The following CDS2 variants were observed in gnomAD, a reference collection of about 807,000 sequenced individuals.
CDS2 encodes the protein phosphatidate cytidylyltransferase 2.
In CDS2, 47 loss-of-function variants were observed where a neutral mutation model predicts 59.0. The observed-to-expected ratio is 0.80, with a 90% CI of 0.63 to 1.02. The LOEUF is 1.02. Ranked by LOEUF, CDS2 falls within the 50% of genes least tolerant of loss-of-function variation. CDS2 has a pLI of 0.00. For missense variants in CDS2, 356 were observed against 558.9 expected (o/e 0.64, Z 3.66); for synonymous variants, 207 against 206.4 (o/e 1.00, Z -0.02).
At chr20:5,183,964 T>TG (rs1368810949) in intron 7 of CDS2, among the ~76,000 whole-genome samples, 2 of 152,148 alleles carry the variant, frequency 1.3e-5, no homozygotes, top group Non-Finnish European at 2.9e-5. Context: ...AAGACCGGCC[T>TG]GGGCAACATA....
intron 1 of CDS2, among the ~76,000 whole-genome samples, chr20:5,166,057 C>T (rs1212086460): frequency 6.6e-6 from 1 of 152,100 alleles, no homozygotes; most frequent in Non-Finnish European, 1.5e-5. Flanking sequence ...GTGACACAAT[C>T]AGAATTTCTG....
intron 1 of CDS2, among the ~76,000 whole-genome samples, chr20:5,134,981 C>T (rs1291450557): frequency 2.0e-5 from 3 of 152,100 alleles, no homozygotes; most frequent in African/African-American, 2.4e-5. Flanking sequence ...CATTTCTCCT[C>T]CCTCACTTTA....
At chr20:5,180,316 T>A (rs968418199) in intron 5 of CDS2, among the ~76,000 whole-genome samples, 2 of 151,834 alleles carry the variant, frequency 1.3e-5, no homozygotes, top group African/African-American at 4.8e-5. Flanking sequence ...TTTTTTTTTT[T>A]AAGGGGAAGC....
intron 5 of CDS2, among the ~76,000 whole-genome samples, chr20:5,179,177 A>C (rs371711653): frequency 6.9e-6 from 1 of 145,968 alleles, no homozygotes; most frequent in East Asian, 2.0e-4. Flanking sequence ...GCCAGAGTGC[A>C]GTGGCACCAT....
chr20:5,187,046 C>G (rs2091074680), intron 10 of CDS2: 48 of 333,148 alleles, frequency 1.4e-4, no homozygotes, highest in South Asian at 1.3e-3. Context: ...CAGTGGTTTT[C>G]AAAGTGTGTT....
intron 1 of CDS2, among the ~76,000 whole-genome samples, chr20:5,159,397 T>A (rs1204911530): frequency 7.1e-6 from 1 of 140,660 alleles, no homozygotes. Flanking sequence ...CAGAGAAGCA[T>A]CAAAAAATGA....
chr20:5,188,055 C>CGT (rs71332879), intron 10 of CDS2, among the ~76,000 whole-genome samples: 4,720 of 148,708 alleles, frequency 0.032, 67 homozygotes, highest in Middle Eastern at 0.048. Context: ...TCTTAACGTA[C>CGT]GTGTGTGTGT....
chr20:5,187,051 T>A (rs1215704424), intron 10 of CDS2: 2 of 401,738 alleles, frequency 5.0e-6, no homozygotes, highest in African/African-American at 4.1e-5. Flanking sequence ...GTTTTCAAAG[T>A]GTGTTCTGTG....
intron 1 of CDS2, among the ~76,000 whole-genome samples, chr20:5,157,447 T>C (rs1050441132): frequency 1.3e-5 from 2 of 151,040 alleles, no homozygotes; most frequent in Admixed American, 1.3e-4. Flanking sequence ...AAAGGAGGAG[T>C]TGATTGGCAT....
intron 1 of CDS2, among the ~76,000 whole-genome samples, chr20:5,140,821 A>G (rs1411415868): frequency 6.6e-6 from 1 of 152,238 alleles, no homozygotes; most frequent in Non-Finnish European, 1.5e-5. Context: ...TTGTCATAAA[A>G]TCATATTTGA....
chr20:5,174,273 A>C (rs1026087409), intron 2 of CDS2, among the ~76,000 whole-genome samples: 2 of 152,150 alleles, frequency 1.3e-5, no homozygotes. Context: ...TCCCCTTGGG[A>C]GTCTGAATTG....
chr20:5,152,649 A>G (rs2090801840), intron 1 of CDS2, among the ~76,000 whole-genome samples: 1 of 152,200 alleles, frequency 6.6e-6, no homozygotes, highest in Non-Finnish European at 1.5e-5. Context: ...AGGCTGAGGC[A>G]GGAGAATTGC....
chr20:5,185,585 G>A (rs1031588647), intron 8 of CDS2, among the ~76,000 whole-genome samples, 173 bp from the exon 9 acceptor site: 1 of 152,182 alleles, frequency 6.6e-6, no homozygotes, highest in African/African-American at 2.4e-5. Context: ...GGGAACCAAA[G>A]GGAGGAGGAT....
chr20:5,130,296 C>T (rs1274323341), intron 1 of CDS2, among the ~76,000 whole-genome samples: 1 of 151,980 alleles, frequency 6.6e-6, no homozygotes, highest in Non-Finnish European at 1.5e-5. Context: ...TTTAAAAAAT[C>T]CTGATTTATT....
In CDS2 at chr20:5,190,196, G is replaced by T; in HGVS notation, c.1300G>T (p.Asp434Tyr). The T allele has an allele frequency of 1.2e-6, 2 of 1,614,034 alleles. No individual in the cohort carries two copies. Among genetic ancestry groups the T allele is most frequent in the Non-Finnish European group, 1.7e-6 (2 of 1,179,968 alleles). ...CAACACGCTGCGGTCTCATCTGATC[G>T]ACAAAGGGATGCTGACATCCACCAC... ...IFNTLRSHLI[D>Y]KGMLTSTTED... Residue 434 changes from aspartate to tyrosine, a missense_variant, in exon 13 of 13, where the codon GAC becomes TAC. This residue lies in a region of CDS2 where 33 missense variants were observed against 27.9 expected (regional missense o/e 1.18). Coordinates refer to ENST00000460006, the MANE Select transcript of CDS2 (RefSeq NM_003818.4).
intron 1 of CDS2, among the ~76,000 whole-genome samples, chr20:5,136,311 T>C (rs2090649608): frequency 6.6e-6 from 1 of 152,238 alleles, no homozygotes. Context: ...TCTTCTGCGA[T>C]AAAATCCCAG....
intron 9 of CDS2, 91 bp downstream of exon 9, chr20:5,185,917 T>G: frequency 1.6e-6 from 2 of 1,263,116 alleles, no homozygotes; most frequent in Non-Finnish European, 2.3e-6. Flanking sequence ...AGAGTGTCTT[T>G]GGAGGCCAGG....
chr20:5,137,850 G>A (rs1313281136), intron 1 of CDS2, among the ~76,000 whole-genome samples: 4 of 151,676 alleles, frequency 2.6e-5, no homozygotes, highest in African/African-American at 7.3e-5. Flanking sequence ...CCAGGCTGGA[G>A]TACAGTGGCA....
chr20:5,143,496 A>G (rs965442736), intron 1 of CDS2, among the ~76,000 whole-genome samples: 2 of 152,218 alleles, frequency 1.3e-5, no homozygotes, highest in African/African-American at 4.8e-5. Flanking sequence ...GAACATTCAA[A>G]GCAGTGTTCT....
Sources: allele counts gnomAD v4.1 joint callset (sites outside exome capture counted in the v4.1 genomes callset), GRCh38; gene constraint gnomAD v4.1.1; regional missense constraint gnomAD v4.1.1; transcripts MANE v1.5; gene names NCBI Gene and HGNC (gene_info 2026-07-23, HGNC 2026-07-21).